The following ARID1B variants were observed in gnomAD, a reference collection of about 807,000 sequenced individuals.
ARID1B encodes AT-rich interaction domain 1B.
ARID1B carries 30 observed loss-of-function variants against 212.3 expected under a neutral mutation model. That is an observed-to-expected ratio of 0.14 (90% CI 0.11 to 0.19). ARID1B has a LOEUF of 0.19. Ranked by LOEUF, ARID1B falls within the 10% of genes least tolerant of loss-of-function variation. ARID1B has a pLI of 1.00. For missense variants in ARID1B, 2,891 were observed against 3,204.0 expected (o/e 0.90, Z 2.36); for synonymous variants, 1,402 against 1,301.7 (o/e 1.08, Z -1.66).
Position 157,210,706 on chromosome 6 carries a change from CA to C in ARID1B, c.*2829del, listed in dbSNP as rs201959218. 0.1 allele frequency: 17,476 copies of C among 173,930 alleles called. 33 individuals carry two copies. The highest frequency in any genetic ancestry group is 0.23 in the East Asian group (2,690 of 11,754). 10.8% of individuals were successfully genotyped at this position (173,930 alleles called of 1,614,324 possible). A position where few individuals can be genotyped will look rare whatever the true frequency, so the allele number is the denominator to read the frequency against. ...GGATGCCCAGACTTTACATGTGTACCAAAAAAAAAAAAAAGATAAAAAATAA... is the reference window on the plus strand; with the variant it reads ...GGATGCCCAGACTTTACATGTGTACCAAAAAAAAAAAAAGATAAAAAATAA... On this transcript the variant is annotated 3_prime_UTR_variant, in exon 20 of 20. Transcript: ENST00000636930.
intron 17 of ARID1B, among the ~76,000 whole-genome samples, chr6:157,199,804 C>G (rs1194156375): frequency 6.6e-6 from 1 of 151,876 alleles, no homozygotes; most frequent in Non-Finnish European, 1.5e-5. Flanking sequence ...GCTGGGACTA[C>G]AGGCACCCGC....
Position 157,124,062 on chromosome 6 carries a change from G to A in ARID1B, c.2582-8966G>A, listed in dbSNP as rs371327732. On this transcript the variant is annotated intron_variant, in intron 6 of 19. Coordinates refer to ENST00000636930, the MANE Select transcript of ARID1B (RefSeq NM_001374828.1). ...TTGTGCTTTCTGGCCTAGTAGACTCGTTTTTCTTCCTTGCCTTGCTGTCAG... is the reference window on the plus strand; with the variant it reads ...TTGTGCTTTCTGGCCTAGTAGACTCATTTTTCTTCCTTGCCTTGCTGTCAG... Among the ~76,000 whole-genome samples, 241 of 152,306 alleles carry A rather than the reference G, an allele frequency of 1.6e-3. 1 individual carries two copies. The highest frequency in any genetic ancestry group is 5.0e-3 in the African/African-American group (209 of 41,558).
intron 4 of ARID1B, among the ~76,000 whole-genome samples, chr6:157,062,279 C>T (rs1301675405): frequency 1.3e-5 from 2 of 151,922 alleles, no homozygotes; most frequent in Non-Finnish European, 2.9e-5. Flanking sequence ...TCACTGCAGC[C>T]TCCAACTGCT....
At chr6:157,018,080 C>A (rs1284419233) in intron 4 of ARID1B, among the ~76,000 whole-genome samples, 2 of 151,752 alleles carry the variant, frequency 1.3e-5, no homozygotes, top group Non-Finnish European at 2.9e-5. Context: ...TGCAGTGAGT[C>A]ATGATAGTGC....
At chr6:157,008,759 G>T (rs570409556) in intron 4 of ARID1B, among the ~76,000 whole-genome samples, 2 of 152,168 alleles carry the variant, frequency 1.3e-5, no homozygotes, top group Admixed American at 1.3e-4. Context: ...CGGCGGGGGA[G>T]GGGGGCGGCG....
chr6:156,922,701 C>T (rs1790906455), intron 3 of ARID1B, among the ~76,000 whole-genome samples: 1 of 152,214 alleles, frequency 6.6e-6, no homozygotes, highest in Non-Finnish European at 1.5e-5. Context: ...TTGATTATCT[C>T]TGTTCTTACC....
chr6:157,021,032 A>G (rs1460631324), intron 4 of ARID1B, among the ~76,000 whole-genome samples: 1 of 81,438 alleles, frequency 1.2e-5, no homozygotes. Context: ...TCTCCCGCCC[A>G]CCCGTCCCTG....
intron 4 of ARID1B, among the ~76,000 whole-genome samples, chr6:157,004,904 T>TTG (rs1562542307): frequency 2.5e-4 from 8 of 32,098 alleles, no homozygotes; most frequent in South Asian, 1.1e-3. Context: ...TTTCTTTTTT[T>TTG]TTTTTTTTTT....
chr6:156,995,584 A>G (rs1778538458), intron 4 of ARID1B, among the ~76,000 whole-genome samples: 1 of 152,232 alleles, frequency 6.6e-6, no homozygotes, highest in Admixed American at 6.5e-5. Context: ...CTAGATCCTC[A>G]AGCCTGCTAC....
At chr6:156,971,416 G>T (rs1288927411) in intron 4 of ARID1B, among the ~76,000 whole-genome samples, 2 of 152,150 alleles carry the variant, frequency 1.3e-5, no homozygotes, top group Non-Finnish European at 2.9e-5. Flanking sequence ...GATGTTGAAA[G>T]AACTTTGTGT....
intron 6 of ARID1B, among the ~76,000 whole-genome samples, chr6:157,116,494 A>T (rs1046945971): frequency 6.7e-6 from 1 of 148,506 alleles, no homozygotes; most frequent in Non-Finnish European, 1.5e-5. Context: ...GTAAGCCAGC[A>T]GGGACTTTCC....
chr6:157,179,114 G>A (rs1792323992), intron 11 of ARID1B, among the ~76,000 whole-genome samples: 1 of 151,940 alleles, frequency 6.6e-6, no homozygotes, highest in South Asian at 2.1e-4. Flanking sequence ...TTTTCTTCAT[G>A]TTCTTATTTC....
At chr6:157,140,305 A>G (rs1012914032) in intron 7 of ARID1B, among the ~76,000 whole-genome samples, 2 of 152,026 alleles carry the variant, frequency 1.3e-5, no homozygotes, top group South Asian at 4.1e-4. Flanking sequence ...CCCCATCTCT[A>G]TTAAAAATAC....
chr6:157,066,632 A>G (rs1409119522), intron 4 of ARID1B, among the ~76,000 whole-genome samples: 1 of 152,178 alleles, frequency 6.6e-6, no homozygotes, highest in Non-Finnish European at 1.5e-5. Context: ...AGAATCATTT[A>G]GTCCCTTCGT....
At chr6:157,001,889 T>A (rs1038954100) in intron 4 of ARID1B, among the ~76,000 whole-genome samples, 1 of 152,164 alleles carries the variant, frequency 6.6e-6, no homozygotes, top group Admixed American at 6.5e-5. Flanking sequence ...GTTTTGGCGA[T>A]AGGTCGCACA....
intron 5 of ARID1B, among the ~76,000 whole-genome samples, chr6:157,107,338 T>G (rs1478889738): frequency 2.6e-5 from 4 of 151,844 alleles, no homozygotes; most frequent in Admixed American, 6.6e-5. Flanking sequence ...TAGGTAAGCT[T>G]CTCTTCTCGG....
chr6:156,797,486 G>A lies in ARID1B; in HGVS notation c.1791+18015G>A, dbSNP rs186098557. Among the ~76,000 whole-genome samples the A allele has an allele frequency of 2.8e-3, 433 of 152,284 alleles. 2 individuals carry two copies. The highest frequency in any genetic ancestry group is 5.1e-3 in the Non-Finnish European group (344 of 68,032). ...AGTTGTTAAATGTAGCATTTCCATT[G>A]CCCGTGGTTGAAATGACCAGTGGCA... On this transcript the variant is annotated intron_variant, in intron 1 of 19. Transcript: ENST00000636930.
chr6:157,027,208 A>G (rs1170428142), intron 4 of ARID1B, among the ~76,000 whole-genome samples: 1 of 152,230 alleles, frequency 6.6e-6, no homozygotes, highest in Non-Finnish European at 1.5e-5. Flanking sequence ...GATTCTTCAA[A>G]ATAAGTTTCC....
At chr6:156,881,081 C>T (rs1374492624) in intron 2 of ARID1B, among the ~76,000 whole-genome samples, 5 of 152,190 alleles carry the variant, frequency 3.3e-5, no homozygotes, top group African/African-American at 4.8e-5. Flanking sequence ...TGCCTGGGGC[C>T]TGCAGGAGTT....
Sources: allele counts gnomAD v4.1 joint callset (sites outside exome capture counted in the v4.1 genomes callset), GRCh38; gene constraint gnomAD v4.1.1; transcripts MANE v1.5; gene names NCBI Gene and HGNC (gene_info 2026-07-23, HGNC 2026-07-21).